Variants in VWF observed in about 807,000 individuals in gnomAD.
The protein encoded by VWF is von Willebrand factor, also known as Factor VIII related antigen.
A neutral mutation model predicts 308.6 loss-of-function variants in VWF; 176 were observed. The observed-to-expected ratio is 0.57, with a 90% CI of 0.50 to 0.65. The LOEUF is 0.65. Ranked by LOEUF, VWF falls within the 30% of genes least tolerant of loss-of-function variation. The pLI is 0.00. For missense variants in VWF, 3,146 were observed against 3,648.2 expected, an observed-to-expected ratio of 0.86 and a Z score of 3.55; for synonymous variants, 1,385 against 1,443.4, an observed-to-expected ratio of 0.96 and a Z score of 0.92.
intron 5 of VWF, among the ~76,000 whole-genome samples, chr12:6,103,503 C>CGTGT (rs374509927): frequency 0.025 from 2,973 of 121,338 alleles, 226 homozygotes; most frequent in African/African-American, 0.12. Flanking sequence ...TATACACACA[C>CGTGT]GTATATATAT....
intron 43 of VWF, among the ~76,000 whole-genome samples, chr12:5,972,795 G>C (rs1555190609): frequency 6.6e-6 from 1 of 152,108 alleles, no homozygotes; most frequent in Non-Finnish European, 1.5e-5. Context: ...AAATTAGGAT[G>C]CCTCAATCTG....
chr12:6,110,605 A>T (rs767166083), intron 4 of VWF, 23 bp from the exon 5 acceptor site: 1 of 1,612,002 alleles, frequency 6.2e-7, no homozygotes. Context: ...GGCTAAGTTC[A>T]GAAGTGGGCT....
At chr12:5,964,262 A>ACATACATG (rs57378872) in intron 47 of VWF, among the ~76,000 whole-genome samples, 1,490 of 141,818 alleles carry the variant, frequency 0.011, 27 homozygotes, top group African/African-American at 0.042. Context: ...ATACATACAT[A>ACATACATG]CATACATACA....
intron 10 of VWF, among the ~76,000 whole-genome samples, chr12:6,070,529 T>C (rs538803898): frequency 6.6e-6 from 1 of 152,188 alleles, no homozygotes; most frequent in Non-Finnish European, 1.5e-5. Flanking sequence ...TCATTTAACC[T>C]CTCTAGGTCT....
rs1199983725 is a variant in VWF, at chr12:6,041,894, C to T, written c.2442+2397G>A. On this transcript the variant is annotated intron_variant, in intron 18 of 51. Transcript: ENST00000261405. ...GAAAAAGCATCCTTTACAGGTCTCT[C>T]CTATGGACAGCAGGAAGAACTGATG... Among the ~76,000 whole-genome samples, 2 of 152,318 alleles carry T rather than the reference C, an allele frequency of 1.3e-5. 1 individual carries two copies. The highest frequency in any genetic ancestry group is 4.1e-4 in the South Asian group (2 of 4,824).
At chr12:6,087,123 C>A (rs180974987) in intron 6 of VWF, among the ~76,000 whole-genome samples, 1 of 152,130 alleles carries the variant, frequency 6.6e-6, no homozygotes, top group Non-Finnish European at 1.5e-5. Context: ...TGAGGCTATT[C>A]AGTGACTGAC....
chr12:6,043,149 G>T (rs1365208156), intron 18 of VWF, among the ~76,000 whole-genome samples: 3 of 152,178 alleles, frequency 2.0e-5, no homozygotes, highest in Non-Finnish European at 4.4e-5. Flanking sequence ...AGAAAAGACA[G>T]TTCCAAAACC....
At chr12:6,102,657 C>T (rs748947226) in intron 5 of VWF, among the ~76,000 whole-genome samples, 38 of 151,986 alleles carry the variant, frequency 2.5e-4, no homozygotes, top group Non-Finnish European at 4.6e-4. Context: ...ATGGCATGAA[C>T]CTGGGAGGTG....
chr12:6,014,858 C>G (rs539008519), intron 31 of VWF, among the ~76,000 whole-genome samples: 5 of 152,150 alleles, frequency 3.3e-5, no homozygotes, highest in African/African-American at 1.2e-4. Flanking sequence ...CATGAGAAAC[C>G]GAGGCTTTGG....
chr12:6,039,848 G>A, intron 18 of VWF, among the ~76,000 whole-genome samples: 1 of 152,080 alleles, frequency 6.6e-6, no homozygotes, highest in Non-Finnish European at 1.5e-5. Context: ...CTGGGATCAG[G>A]GACATAACCA....
chr12:6,023,939 G>A, intron 24 of VWF, 152 bp from the exon 25 acceptor site: 1 of 765,396 alleles, frequency 1.3e-6, no homozygotes, highest in Non-Finnish European at 2.2e-6. Flanking sequence ...AAGAGGGAAT[G>A]AGTGGGAAGG....
At chr12:6,073,866 A>G in intron 7 of VWF, 125 bp from the exon 8 acceptor site, 5 of 1,472,614 alleles carry the variant, frequency 3.4e-6, no homozygotes, top group Non-Finnish European at 4.6e-6. Flanking sequence ...TCAGGCTTCC[A>G]GGTCCTTCTC....
At chr12:5,953,029 C>T (rs1157710036) in intron 48 of VWF, among the ~76,000 whole-genome samples, 2 of 152,182 alleles carry the variant, frequency 1.3e-5, no homozygotes, top group Non-Finnish European at 2.9e-5. Context: ...GAGATCGAGA[C>T]CATCCTGGCC....
rs540645545 is a variant in VWF, at chr12:6,046,735, G to C, written c.2269C>G (p.Leu757Val). ...GGACAGTACTCACTGCGATGAGACAGGGGACTGCTGAGGACAGCGTCAGGC... is the reference window on the plus strand; with the variant it reads ...GGACAGTACTCACTGCGATGAGACACGGGACTGCTGAGGACAGCGTCAGGC... ...LLPDAVLSSP[L>V]SHRSKRSLSC... The change falls in exon 17 of 52, where the codon CTG (leucine) becomes GTG (valine). Residue 757 changes from leucine (L) to valine (V), a missense_variant. Physicochemically the swap from Leu to Val is conservative, Grantham distance 32. This residue lies in a region of VWF where 1,304 missense variants were observed against 1,353.0 expected (regional missense o/e 0.96). Coordinates refer to ENST00000261405, the MANE Select transcript of VWF (RefSeq NM_000552.5). The surrounding 1 kb of genome is among the most constrained non-coding windows in gnomAD (Gnocchi z 5.0). 6.2e-7 allele frequency: 1 copy of C among 1,614,116 alleles called. No individual in the cohort carries two copies. The highest frequency in any genetic ancestry group is 2.2e-5 in the East Asian group (1 of 44,888).
At chr12:6,043,222 A>C (rs1386863752) in intron 18 of VWF, among the ~76,000 whole-genome samples, 1 of 152,214 alleles carries the variant, frequency 6.6e-6, no homozygotes, top group East Asian at 1.9e-4. Context: ...TTGGGAGAAG[A>C]AAGAGTTGAA....
At chr12:5,988,524 T>G (rs1943704411) in intron 38 of VWF, among the ~76,000 whole-genome samples, 1 of 152,070 alleles carries the variant, frequency 6.6e-6, no homozygotes, top group Non-Finnish European at 1.5e-5. Context: ...CAAGAATAAA[T>G]CACACAATTT....
At chr12:5,989,194 C>T (rs1943710949) in intron 38 of VWF, among the ~76,000 whole-genome samples, 1 of 152,162 alleles carries the variant, frequency 6.6e-6, no homozygotes, top group Admixed American at 6.5e-5. Context: ...GGCTCTTGGT[C>T]CCTTCTGATC....
intron 35 of VWF, among the ~76,000 whole-genome samples, 171 bp downstream of exon 35, chr12:5,995,831 G>C (rs1192365412): frequency 1.3e-5 from 2 of 152,104 alleles, no homozygotes; most frequent in African/African-American, 4.8e-5. Flanking sequence ...ATCACGCCAA[G>C]ACAAGGGGAT....
rs373383269 is a variant in VWF at position 6,079,079 on chromosome 12, TAA to T, written c.658-3530_658-3529del. Among the ~76,000 whole-genome samples, 4 of 152,294 alleles carry T rather than the reference TAA, an allele frequency of 2.6e-5. 1 individual carries two copies. Among genetic ancestry groups the T allele is most frequent in the African/African-American group, 9.6e-5 (4 of 41,568 alleles). ...TTTCTTTCTTAGCAGAAACAAAAGA[TAA>T]AGTCTGTCCTCCCATTTTGTCCTTC... is the stretch of plus-strand genomic sequence containing the variant. On this transcript the variant is annotated intron_variant, in intron 6 of 51. Coordinates refer to ENST00000261405, the MANE Select transcript of VWF (RefSeq NM_000552.5).
Sources: allele counts gnomAD v4.1 joint callset (sites outside exome capture counted in the v4.1 genomes callset), GRCh38; gene constraint gnomAD v4.1.1; regional missense constraint gnomAD v4.1.1; non-coding constraint Gnocchi (gnomAD v3.1); transcripts MANE v1.5; gene names NCBI Gene and HGNC (gene_info 2026-07-23, HGNC 2026-07-21).